The following RBPMS2 variants were observed in gnomAD, a reference collection of about 807,000 sequenced individuals.
The protein encoded by RBPMS2 is RNA-binding protein with multiple splicing 2.
Under a neutral mutation model 25.7 loss-of-function variants are expected in RBPMS2, and 14 were observed. That is an observed-to-expected ratio of 0.55 (90% confidence interval 0.36 to 0.85). The LOEUF (loss-of-function observed/expected upper bound fraction) is 0.85. RBPMS2 is among the 40% of genes least tolerant of loss of function. The pLI is 0.01. For missense variants in RBPMS2, 252 were observed against 283.4 expected (o/e 0.89, Z 0.80); for synonymous variants, 127 against 115.6 (o/e 1.10, Z -0.63).
chr15:64,746,628 C>T (rs1461785900), intron 6 of RBPMS2, among the ~76,000 whole-genome samples: 1 of 152,160 alleles, frequency 6.6e-6, no homozygotes, highest in Non-Finnish European at 1.5e-5. Flanking sequence ...GGAAGGAAGC[C>T]CTGTGGCGTG....
chr15:64,757,260 A>G (rs2083741328), intron 1 of RBPMS2, among the ~76,000 whole-genome samples: 1 of 152,124 alleles, frequency 6.6e-6, no homozygotes, highest in African/African-American at 2.4e-5. Flanking sequence ...GGTATGAGCC[A>G]CCATGCCTGG....
intron 1 of RBPMS2, among the ~76,000 whole-genome samples, chr15:64,770,670 C>T (rs1446843527): frequency 1.3e-5 from 2 of 152,118 alleles, no homozygotes; most frequent in East Asian, 3.8e-4. Context: ...ACCAAGATGT[C>T]CCAGATGCTT....
chr15:64,755,649 C>T (rs1381976555), intron 1 of RBPMS2, among the ~76,000 whole-genome samples: 7 of 152,134 alleles, frequency 4.6e-5, no homozygotes. Context: ...TAAGTGCTGC[C>T]ATCCATCCAC....
intron 2 of RBPMS2, 142 bp downstream of exon 2, chr15:64,751,419 C>T: frequency 1.5e-6 from 1 of 661,416 alleles, no homozygotes; most frequent in African/African-American, 1.8e-5. Context: ...TTCGCAGAAC[C>T]AGGACACGGG....
At chr15:64,771,542 G>A (rs968338263) in intron 1 of RBPMS2, among the ~76,000 whole-genome samples, 2 of 151,794 alleles carry the variant, frequency 1.3e-5, no homozygotes, top group Admixed American at 1.3e-4. Context: ...AATTAGCCAG[G>A]CATGGTGGCG....
intron 1 of RBPMS2, among the ~76,000 whole-genome samples, chr15:64,760,497 G>A (rs1394647539): frequency 1.3e-5 from 2 of 152,120 alleles, no homozygotes; most frequent in African/African-American, 2.4e-5. Flanking sequence ...TAAGTTTGGA[G>A]GACAAATCCC....
rs752050413 is a variant in RBPMS2 at position 64,751,647 on chromosome 15, A to C, written c.88-9T>G. 3 of 1,613,118 alleles carry C rather than the reference A, an allele frequency of 1.9e-6. No individual in the cohort carries two copies. Among genetic ancestry groups the C allele is most frequent in the Non-Finnish European group, 2.5e-6 (3 of 1,179,330 alleles). ...ACAAACAGTGTCCGGACCTGGAGACAGAGACCAGTGATCAGGGCCAGGCTG... is the reference window on the plus strand; with the variant it reads ...ACAAACAGTGTCCGGACCTGGAGACCGAGACCAGTGATCAGGGCCAGGCTG... On this transcript the variant is annotated splice_polypyrimidine_tract_variant and intron_variant, in intron 1 of 7. Transcript: ENST00000300069.
At chr15:64,765,595 CG>C (rs5813320) in intron 1 of RBPMS2, among the ~76,000 whole-genome samples, 130,878 of 150,330 alleles carry the variant, frequency 0.87, 58,132 homozygotes, top group East Asian at 0.96. Context: ...AAAAAAAGGG[CG>C]GGGGGGGACC....
intron 6 of RBPMS2, among the ~76,000 whole-genome samples, chr15:64,746,284 C>T (rs189807882): frequency 1.3e-5 from 2 of 152,194 alleles, no homozygotes; most frequent in Admixed American, 6.5e-5. Context: ...TCCCAGTCCC[C>T]GTCCAAGGAA....
chr15:64,765,728 G>A, intron 1 of RBPMS2, among the ~76,000 whole-genome samples: 1 of 152,108 alleles, frequency 6.6e-6, no homozygotes, highest in East Asian at 1.9e-4. Flanking sequence ...GGCGGATTAC[G>A]AGGTCAGGAG....
At chr15:64,747,962 C>T (rs2083634043) in intron 6 of RBPMS2, among the ~76,000 whole-genome samples, 1 of 151,692 alleles carries the variant, frequency 6.6e-6, no homozygotes, top group African/African-American at 2.4e-5. Flanking sequence ...CACAACAACC[C>T]TAAGGCAGAT....
intron 1 of RBPMS2, 124 bp downstream of exon 1, chr15:64,775,109 C>A (rs1283799700): frequency 1.2e-5 from 5 of 427,152 alleles, no homozygotes; most frequent in Non-Finnish European, 1.8e-5. Flanking sequence ...GAGAGGGCAG[C>A]GGCGGGAAGG....
chr15:64,744,802 T>TG lies in RBPMS2; in HGVS notation c.568-3561_568-3560insC, dbSNP rs1285468142. Among the ~76,000 whole-genome samples the TG allele has an allele frequency of 6.8e-4, 19 of 27,864 alleles. 1 individual carries two copies. The highest frequency in any genetic ancestry group is 1.2e-3 in the African/African-American group (7 of 6,052). 18.3% of individuals were successfully genotyped at this position (27,864 alleles called of 152,430 possible). On this transcript the variant is annotated intron_variant, in intron 6 of 7. Transcript: ENST00000300069. ...TAAGTTTTTTTGGTTTGTTTTGTTT[T>TG]TTTTTTTTTTTTTTTTTTTTTTTTT...
At chr15:64,745,177 G>T (rs1162169893) in intron 6 of RBPMS2, among the ~76,000 whole-genome samples, 2 of 152,116 alleles carry the variant, frequency 1.3e-5, no homozygotes, top group African/African-American at 4.8e-5. Flanking sequence ...CATACCTATA[G>T]ATTTACTTAT....
At chr15:64,769,100 C>CAAA (rs1167404963) in intron 1 of RBPMS2, among the ~76,000 whole-genome samples, 85 of 27,614 alleles carry the variant, frequency 3.1e-3, no homozygotes, top group South Asian at 4.4e-3. Flanking sequence ...GACTTCGTCT[C>CAAA]AAAAAAAAAA....
intron 1 of RBPMS2, among the ~76,000 whole-genome samples, chr15:64,760,431 A>T (rs1260993493): frequency 1.3e-5 from 2 of 152,230 alleles, no homozygotes; most frequent in Non-Finnish European, 2.9e-5. Flanking sequence ...TGGAAAAGGT[A>T]AACACTGCTT....
rs528670444 is a variant in RBPMS2, at chr15:64,740,579, C to A, written c.*429G>T. On this transcript the variant is annotated 3_prime_UTR_variant, in exon 8 of 8. Transcript: ENST00000300069. ...TGAACCACTGGGAGCCAGGACCTGT[C>A]GCTATGGTGACAGTGTGAGAACAAA... The A allele has an allele frequency of 6.5e-6, 1 of 152,910 alleles. No homozygotes were observed. Among genetic ancestry groups the A allele is most frequent in the East Asian group, 1.9e-4 (1 of 5,190 alleles). 9.5% of individuals were successfully genotyped at this position (152,910 alleles called of 1,614,324 possible). A position where few individuals can be genotyped will look rare whatever the true frequency, so the allele number is the denominator to read the frequency against.
rs1195164526 is a variant in RBPMS2 at position 64,739,932 on chromosome 15, A to G, written c.*1076T>C. On this transcript the variant is annotated 3_prime_UTR_variant, in exon 8 of 8. Coordinates refer to ENST00000300069, the MANE Select transcript of RBPMS2 (RefSeq NM_194272.3). ...TTATTTTGCATTTCATATATTATCC[A>G]GTTTCACATTCTCACAGGATCAGCA... The G allele has an allele frequency of 6.6e-6, 1 of 152,590 alleles. No homozygotes were observed. The highest frequency in any genetic ancestry group is 2.4e-5 in the African/African-American group (1 of 41,456). 9.5% of individuals were successfully genotyped at this position (152,590 alleles called of 1,614,324 possible).
At chr15:64,752,187 G>A (rs1399704453) in intron 1 of RBPMS2, among the ~76,000 whole-genome samples, 1 of 151,942 alleles carries the variant, frequency 6.6e-6, no homozygotes, top group Non-Finnish European at 1.5e-5. Context: ...AAGCTGCAGT[G>A]CCTGACCCCC....
Sources: allele counts gnomAD v4.1 joint callset (sites outside exome capture counted in the v4.1 genomes callset), GRCh38; gene constraint gnomAD v4.1.1; transcripts MANE v1.5; gene names NCBI Gene and HGNC (gene_info 2026-07-23, HGNC 2026-07-21).